Variants in TRPC5 observed in about 807,000 individuals in gnomAD.
TRPC5 encodes short transient receptor potential channel 5.
In TRPC5, 9 loss-of-function variants were observed where a neutral mutation model predicts 56.5. The observed-to-expected ratio is 0.16, with a 90% CI of 0.10 to 0.28. TRPC5 has a LOEUF of 0.28. Among genes scored for constraint, TRPC5 ranks in the 10% least tolerant of loss-of-function variants. The pLI, the probability that TRPC5 is intolerant of heterozygous loss-of-function variation, is 1.00. For missense variants in TRPC5, 469 were observed against 748.9 expected, an observed-to-expected ratio of 0.63 and a Z score of 4.36; for synonymous variants, 282 against 278.5, an observed-to-expected ratio of 1.01 and a Z score of -0.13.
At chrX:112,002,921 C>T (rs762676557) in intron 1 of TRPC5, among the ~76,000 whole-genome samples, 49 of 111,746 alleles carry the variant, frequency 4.4e-4, no homozygotes, top group African/African-American at 1.5e-3. Flanking sequence ...CATGGAAGCA[C>T]TTTTCTACTC....
intron 1 of TRPC5, among the ~76,000 whole-genome samples, chrX:111,968,962 A>G (rs1403000786): frequency 4.8e-5 from 5 of 105,248 alleles, no homozygotes; most frequent in Non-Finnish European, 9.7e-5. Context: ...GTACCCTAAA[A>G]CTTAAAGTAT....
At chrX:111,991,510 C>CCTT (rs56682705) in intron 1 of TRPC5, among the ~76,000 whole-genome samples, 11,357 of 111,659 alleles carry the variant, frequency 0.1, 1,073 homozygotes, top group African/African-American at 0.29. Context: ...TTCATACAAT[C>CCTT]CTTCACCACC....
Position 112,018,389 on chromosome X carries a change from G to C in TRPC5, c.-22+63490C>G, listed in dbSNP as rs1025127397. Among the ~76,000 whole-genome samples, 6 of 112,666 alleles carry C rather than the reference G, an allele frequency of 5.3e-5. No individual in the cohort carries two copies. The East Asian group carries it at 1.7e-3, about 31-fold the overall frequency. ...TGGATTTATTTTTCCATTCCTCTGG[G>C]TGACTGAGTATTTAACTCATATTAC... On this transcript the variant is annotated intron_variant, in intron 1 of 10. Coordinates refer to ENST00000262839, the MANE Select transcript of TRPC5 (RefSeq NM_012471.3).
chrX:111,951,686 C>G (rs1202602557), intron 2 of TRPC5, among the ~76,000 whole-genome samples: 1 of 111,689 alleles, frequency 9.0e-6, no homozygotes, highest in Non-Finnish European at 1.9e-5. Context: ...TATTTTGTCT[C>G]TCCTTTTCTA....
At chrX:112,035,925 G>A (rs893922460) in intron 1 of TRPC5, among the ~76,000 whole-genome samples, 11 of 108,675 alleles carry the variant, frequency 1.0e-4, no homozygotes, top group Non-Finnish European at 1.5e-4. Flanking sequence ...TATCGCGCCC[G>A]GCCTATATTA....
chrX:112,081,436 C>G (rs751485409), intron 1 of TRPC5, among the ~76,000 whole-genome samples: 9 of 111,356 alleles, frequency 8.1e-5, no homozygotes, highest in Non-Finnish European at 1.5e-4. Context: ...GATCCGGCTC[C>G]TGGCTCTCTA....
At chrX:112,018,898 T>C (rs1180246284) in intron 1 of TRPC5, among the ~76,000 whole-genome samples, 1 of 112,156 alleles carries the variant, frequency 8.9e-6, no homozygotes, top group Non-Finnish European at 1.9e-5. Context: ...TCTCAGCTCC[T>C]AGAAGCTTCC....
rs183696942 is a variant in TRPC5 at position 111,897,299 on chromosome X, A to G, written c.900+14992T>C. 1.2e-4 allele frequency among the ~76,000 whole-genome samples: 13 copies of G among 111,821 alleles called. No individual in the cohort carries two copies. The Admixed American group carries it at 1.2e-3, about 11-fold the overall frequency. ...ACAATAGGTCTCCCATTAATGTGACAATTTATTAGAAAAATTTTTATGGGT... is the reference window on the plus strand; with the variant it reads ...ACAATAGGTCTCCCATTAATGTGACGATTTATTAGAAAAATTTTTATGGGT... On this transcript the variant is annotated intron_variant, in intron 3 of 10. Transcript: ENST00000262839.
intron 5 of TRPC5, 26 bp from the exon 6 acceptor site, chrX:111,847,462 A>C: frequency 8.6e-7 from 1 of 1,166,124 alleles, no homozygotes; most frequent in East Asian, 3.0e-5. Flanking sequence ...AGTGCACAAG[A>C]TGAGGGGTAC....
rs765996759 is a variant in TRPC5, at chrX:111,784,995, C to T, written c.1897-2857G>A. Among the ~76,000 whole-genome samples, 5 of 112,419 alleles carry T rather than the reference C, an allele frequency of 4.4e-5. No individual in the cohort carries two copies. In the South Asian group the frequency reaches 1.1e-3, roughly 25 times the overall value. ...TCCACCTCTGTGGGCAGGGCATAACCGAACAAAAGGCAGCAGACAACTCTG... is the reference window on the plus strand; with the variant it reads ...TCCACCTCTGTGGGCAGGGCATAACTGAACAAAAGGCAGCAGACAACTCTG... On this transcript the variant is annotated intron_variant, in intron 7 of 10. Coordinates refer to ENST00000262839, the MANE Select transcript of TRPC5 (RefSeq NM_012471.3).
At chrX:111,935,574 G>GT (rs1926546932) in intron 2 of TRPC5, among the ~76,000 whole-genome samples, 1 of 111,761 alleles carries the variant, frequency 8.9e-6, no homozygotes, top group South Asian at 3.8e-4. Context: ...TTTTCCCAAT[G>GT]TTTTTTCATG....
At chrX:111,982,567 T>C (rs984513273) in intron 1 of TRPC5, among the ~76,000 whole-genome samples, 3 of 111,857 alleles carry the variant, frequency 2.7e-5, no homozygotes, top group Admixed American at 9.5e-5. Context: ...ACCTTCATTA[T>C]GGAGTAGTAG....
At chrX:111,844,858 C>T (rs1398298499) in intron 6 of TRPC5, among the ~76,000 whole-genome samples, 2 of 111,186 alleles carry the variant, frequency 1.8e-5, no homozygotes, top group Non-Finnish European at 3.8e-5. Flanking sequence ...AAACTTTCCA[C>T]CAGATACATA....
chrX:112,079,484 G>A (rs3027700), intron 1 of TRPC5, among the ~76,000 whole-genome samples: 3,932 of 111,990 alleles, frequency 0.035, 173 homozygotes, highest in African/African-American at 0.12. Flanking sequence ...GTCAAATACA[G>A]GCAATTTTAA....
At chrX:111,798,276 C>T (rs1168124718) in intron 7 of TRPC5, among the ~76,000 whole-genome samples, 5 of 111,926 alleles carry the variant, frequency 4.5e-5, no homozygotes, top group Non-Finnish European at 7.5e-5. Flanking sequence ...ACATACTATA[C>T]TACTATAATA....
At chrX:111,936,460 C>T (rs187129254) in intron 2 of TRPC5, among the ~76,000 whole-genome samples, 203 of 109,847 alleles carry the variant, frequency 1.8e-3, no homozygotes, top group Middle Eastern at 4.7e-3. Flanking sequence ...CGTCATTTAG[C>T]ATTAGGTGTA....
chrX:111,873,513 T>G (rs1406839789), intron 3 of TRPC5, among the ~76,000 whole-genome samples: 1 of 111,617 alleles, frequency 9.0e-6, no homozygotes, highest in Non-Finnish European at 1.9e-5. Flanking sequence ...CTGGGTGTGA[T>G]GGCTCATGTC....
chrX:111,941,959 T>C (rs1036537892), intron 2 of TRPC5, among the ~76,000 whole-genome samples: 4 of 111,606 alleles, frequency 3.6e-5, no homozygotes, highest in Admixed American at 9.5e-5. Flanking sequence ...GGGGATCTTC[T>C]GTTTATATTT....
intron 6 of TRPC5, among the ~76,000 whole-genome samples, chrX:111,838,459 T>G (rs1237589939): frequency 9.1e-6 from 1 of 110,370 alleles, no homozygotes; most frequent in Non-Finnish European, 1.9e-5. Context: ...CTGGTGGTGG[T>G]GGGGGTGTAC....
Sources: allele counts gnomAD v4.1 joint callset (sites outside exome capture counted in the v4.1 genomes callset), GRCh38; gene constraint gnomAD v4.1.1; transcripts MANE v1.5; gene names NCBI Gene and HGNC (gene_info 2026-07-23, HGNC 2026-07-21).